TBC1D5: variants seen among roughly 807,000 people sequenced by gnomAD.
The protein encoded by TBC1D5 is TBC1 domain family, member 5.
A neutral mutation model predicts 100.3 loss-of-function variants in TBC1D5; 75 were observed. The observed-to-expected ratio is 0.75, with a 90% confidence interval of 0.62 to 0.91. The LOEUF is 0.91. TBC1D5 is among the 40% of genes least tolerant of loss of function. TBC1D5 has a pLI of 0.00. For missense variants in TBC1D5, 910 were observed against 942.4 expected, an observed-to-expected ratio of 0.97 and a Z score of 0.45; for synonymous variants, 323 against 325.6, an observed-to-expected ratio of 0.99 and a Z score of 0.09.
chr3:17,346,279 T>C (rs2089862236), intron 13 of TBC1D5, among the ~76,000 whole-genome samples: 1 of 152,160 alleles, frequency 6.6e-6, no homozygotes, highest in Admixed American at 6.5e-5. Flanking sequence ...CTGAATTATT[T>C]TGGCTTCACC....
Position 17,364,123 on chromosome 3 carries a change from T to C in TBC1D5, c.995+7952A>G, listed in dbSNP as rs114527179. Among the ~76,000 whole-genome samples the C allele has an allele frequency of 9.0e-3, 1,367 of 152,252 alleles. 7 individuals are homozygous for C. The highest frequency in any genetic ancestry group is 0.016 in the African/African-American group (645 of 41,552). Reference sequence around the variant, plus strand: ...GATATTCTTACAAAATCTATCGTCATTGGAAGATAGGCTATTCATGTATGT... The same window carrying C: ...GATATTCTTACAAAATCTATCGTCACTGGAAGATAGGCTATTCATGTATGT... On this transcript the variant is annotated intron_variant, in intron 13 of 21. Coordinates refer to ENST00000253692, the Ensembl canonical transcript of TBC1D5.
intron 13 of TBC1D5, among the ~76,000 whole-genome samples, chr3:17,356,436 T>C (rs1411769164): frequency 1.3e-5 from 2 of 152,168 alleles, no homozygotes; most frequent in African/African-American, 4.8e-5. Flanking sequence ...ACTTTCTAAA[T>C]ACCCAAGTGA....
rs375809170 is a variant in TBC1D5 at position 17,719,145 on chromosome 3, G to A, written c.-101+20198C>T. Among the ~76,000 whole-genome samples, 69 of 152,108 alleles carry A rather than the reference G, an allele frequency of 4.5e-4. 1 individual carries two copies. The East Asian group carries it at 9.1e-3, about 20-fold the overall frequency. On this transcript the variant is annotated intron_variant, in intron 1 of 21. Coordinates refer to ENST00000253692, the Ensembl canonical transcript of TBC1D5. ...TTTCTTAAATAAACTTTTTTATAAA[G>A]GATAATGGCTATTTAAGACAAAAAA... is the stretch of plus-strand genomic sequence containing the variant.
At chr3:17,623,011 C>T (rs1036750365) in intron 2 of TBC1D5, among the ~76,000 whole-genome samples, 1 of 152,152 alleles carries the variant, frequency 6.6e-6, no homozygotes, top group East Asian at 1.9e-4. Flanking sequence ...TACTCCTGGG[C>T]CCCCAATAAA....
At chr3:17,334,496 A>C (rs1398867177) in intron 13 of TBC1D5, among the ~76,000 whole-genome samples, 1 of 152,160 alleles carries the variant, frequency 6.6e-6, no homozygotes, top group Non-Finnish European at 1.5e-5. Flanking sequence ...GTTGCAGTGC[A>C]AAGATGGCTA....
At chr3:17,329,367 T>C (rs2086598766) in intron 13 of TBC1D5, among the ~76,000 whole-genome samples, 1 of 152,196 alleles carries the variant, frequency 6.6e-6, no homozygotes, top group African/African-American at 2.4e-5. Context: ...AAGCTATGTA[T>C]GTATATGTTT....
At chr3:17,192,416 G>C (rs1376342666) in intron 18 of TBC1D5, among the ~76,000 whole-genome samples, 1 of 151,902 alleles carries the variant, frequency 6.6e-6, no homozygotes, top group Non-Finnish European at 1.5e-5. Context: ...TGCAAACCTG[G>C]AGTAGTATAG....
At chr3:17,328,895 C>T (rs1364948039) in intron 13 of TBC1D5, among the ~76,000 whole-genome samples, 1 of 152,090 alleles carries the variant, frequency 6.6e-6, no homozygotes, top group East Asian at 1.9e-4. Context: ...GGTACAAATG[C>T]TTTGGCATAA....
chr3:17,709,626 C>T (rs2074515454), intron 1 of TBC1D5, among the ~76,000 whole-genome samples: 1 of 152,066 alleles, frequency 6.6e-6, no homozygotes, highest in Non-Finnish European at 1.5e-5. Flanking sequence ...AATAATGATT[C>T]CACTGATAAT....
intron 2 of TBC1D5, among the ~76,000 whole-genome samples, chr3:17,573,668 C>T (rs184849012): frequency 6.6e-6 from 1 of 152,012 alleles, no homozygotes; most frequent in African/African-American, 2.4e-5. Context: ...TGGGCCACCC[C>T]AGGCAGTATT....
chr3:17,606,803 C>A (rs1011735668), intron 2 of TBC1D5, among the ~76,000 whole-genome samples: 3 of 151,988 alleles, frequency 2.0e-5, no homozygotes, highest in Admixed American at 6.6e-5. Context: ...ACAACAACAA[C>A]AAATAACCAA....
chr3:17,680,771 T>C (rs1328107903), intron 1 of TBC1D5, among the ~76,000 whole-genome samples: 1 of 151,432 alleles, frequency 6.6e-6, no homozygotes, highest in African/African-American at 2.5e-5. Flanking sequence ...AAGGCTCCTA[T>C]ATATCACTAT....
chr3:17,530,841 A>G (rs1423907005), intron 2 of TBC1D5, among the ~76,000 whole-genome samples: 1 of 152,248 alleles, frequency 6.6e-6, no homozygotes, highest in East Asian at 1.9e-4. Context: ...TCTCAAAATA[A>G]TAAGAGCTAT....
At chr3:17,387,004 C>A (rs1055666843) in intron 8 of TBC1D5, among the ~76,000 whole-genome samples, 10 of 152,086 alleles carry the variant, frequency 6.6e-5, no homozygotes, top group African/African-American at 2.4e-4. Context: ...TATGAAACAG[C>A]ACACCAACTA....
At position 17,690,299 on chromosome 3, in the gene TBC1D5, C is replaced by T. The variant is rs1373701865; in HGVS notation, c.-101+49044G>A. Among the ~76,000 whole-genome samples the T allele has an allele frequency of 2.6e-5, 2 of 77,898 alleles. 1 individual carries two copies. Among genetic ancestry groups the T allele is most frequent in the Non-Finnish European group, 4.9e-5 (2 of 40,586 alleles). 51.1% of individuals were successfully genotyped at this position (77,898 alleles called of 152,430 possible). A position where few individuals can be genotyped will look rare whatever the true frequency, so the allele number is the denominator to read the frequency against. ...TGGCGGGATCTCGGCTCACTGCAAG[C>T]TCTGCCTCCCGGGTTCACGCCATTC... is the stretch of plus-strand genomic sequence containing the variant. On this transcript the variant is annotated intron_variant, in intron 1 of 21. Coordinates refer to ENST00000253692, the Ensembl canonical transcript of TBC1D5.
intron 1 of TBC1D5, among the ~76,000 whole-genome samples, chr3:17,674,186 C>T (rs6577619): frequency 0.57 from 86,784 of 152,022 alleles, 25,598 homozygotes; most frequent in East Asian, 0.99. Flanking sequence ...ACAAGTTTTT[C>T]CATCTTGTGT....
intron 15 of TBC1D5, among the ~76,000 whole-genome samples, chr3:17,283,175 G>A (rs978143218): frequency 2.6e-5 from 4 of 152,208 alleles, no homozygotes; most frequent in Admixed American, 1.3e-4. Flanking sequence ...CTGCAGTGGT[G>A]TCTGTTGAAC....
intron 1 of TBC1D5, among the ~76,000 whole-genome samples, chr3:17,629,241 G>A (rs750645548): frequency 2.0e-5 from 3 of 152,012 alleles, no homozygotes; most frequent in Non-Finnish European, 4.4e-5. Context: ...AATTTAAGTT[G>A]AAGAGTAGAC....
intron 2 of TBC1D5, among the ~76,000 whole-genome samples, chr3:17,609,738 C>T (rs1427388298): frequency 2.6e-5 from 4 of 152,156 alleles, no homozygotes; most frequent in African/African-American, 7.2e-5. Flanking sequence ...GGCAAGGACA[C>T]AACACCCAAG....
Sources: gnomAD v4.1 joint callset for allele counts (sites outside exome capture counted in the v4.1 genomes callset) on GRCh38, gnomAD v4.1.1 for gene constraint, MANE v1.5 for transcripts, NCBI Gene and HGNC (gene_info 2026-07-23, HGNC 2026-07-21) for gene names.